ELOVL6: variants seen among roughly 807,000 people sequenced by gnomAD.
ELOVL6 encodes the protein ELOVL fatty acid elongase 6.
A neutral mutation model predicts 31.7 loss-of-function variants in ELOVL6; 8 were observed. The ratio of observed to expected loss-of-function variants is 0.25; its 90% confidence interval spans 0.15 to 0.45. The LOEUF (loss-of-function observed/expected upper bound fraction) is 0.45. Among genes scored for constraint, ELOVL6 ranks in the 20% least tolerant of loss-of-function variants. The pLI, the probability that ELOVL6 is intolerant of heterozygous loss-of-function variation, is 1.00. For missense variants in ELOVL6, 126 were observed against 326.4 expected, an observed-to-expected ratio of 0.39 and a Z score of 4.73; for synonymous variants, 101 against 117.7, an observed-to-expected ratio of 0.86 and a Z score of 0.92.
chr4:110,145,127 A>G (rs1297507612), intron 1 of ELOVL6, among the ~76,000 whole-genome samples: 1 of 151,834 alleles, frequency 6.6e-6, no homozygotes, highest in African/African-American at 2.4e-5. Context: ...GACAAGGCAA[A>G]CAGAAGTATA....
intron 2 of ELOVL6, among the ~76,000 whole-genome samples, chr4:110,084,588 A>T (rs796744822): frequency 0.061 from 1,780 of 29,374 alleles, 82 homozygotes; most frequent in Non-Finnish European, 0.073. Flanking sequence ...ATATATATAT[A>T]TTTTTTTTTT....
At chr4:110,187,797 A>G (rs1196431692) in intron 1 of ELOVL6, among the ~76,000 whole-genome samples, 2 of 152,162 alleles carry the variant, frequency 1.3e-5, no homozygotes, top group Non-Finnish European at 2.9e-5. Flanking sequence ...TTAGGTACTG[A>G]ATGGTCTAAG....
chr4:110,123,423 A>G (rs1193456040), intron 1 of ELOVL6, among the ~76,000 whole-genome samples: 2 of 152,224 alleles, frequency 1.3e-5, no homozygotes, highest in South Asian at 2.1e-4. Flanking sequence ...CCGGGAATAC[A>G]TCAGTGAACC....
intron 1 of ELOVL6, among the ~76,000 whole-genome samples, chr4:110,131,245 G>C (rs1352561638): frequency 6.6e-6 from 1 of 152,166 alleles, no homozygotes; most frequent in Non-Finnish European, 1.5e-5. Flanking sequence ...CACCAGAAGG[G>C]CTAGAAGAGT....
intron 3 of ELOVL6, among the ~76,000 whole-genome samples, chr4:110,053,602 C>T (rs1480247364): frequency 1.3e-5 from 2 of 152,216 alleles, no homozygotes; most frequent in Non-Finnish European, 2.9e-5. Context: ...GTCAGGAGTT[C>T]GAGACCAGCC....
intron 1 of ELOVL6, among the ~76,000 whole-genome samples, chr4:110,127,237 T>C (rs952482446): frequency 2.6e-5 from 4 of 151,592 alleles, no homozygotes; most frequent in Non-Finnish European, 4.4e-5. Flanking sequence ...TGAAACCCTG[T>C]CTCTACTAAA....
At chr4:110,116,615 A>T (rs542413745) in intron 1 of ELOVL6, among the ~76,000 whole-genome samples, 1 of 152,360 alleles carries the variant, frequency 6.6e-6, no homozygotes, top group Admixed American at 6.5e-5. Flanking sequence ...GACTGTCCAC[A>T]GTCCTAAATT....
At chr4:110,112,360 C>T (rs907720806) in intron 1 of ELOVL6, among the ~76,000 whole-genome samples, 5 of 152,154 alleles carry the variant, frequency 3.3e-5, no homozygotes, top group Non-Finnish European at 5.9e-5. Context: ...GATAGCAAAC[C>T]GCTAGGCTAA....
intron 1 of ELOVL6, among the ~76,000 whole-genome samples, chr4:110,146,856 G>A (rs1030945190): frequency 1.3e-5 from 2 of 152,150 alleles, no homozygotes; most frequent in Non-Finnish European, 2.9e-5. Context: ...TGGGCATCCT[G>A]GTGGGCACCT....
At chr4:110,161,667 C>T (rs1227469646) in intron 1 of ELOVL6, among the ~76,000 whole-genome samples, 1 of 152,186 alleles carries the variant, frequency 6.6e-6, no homozygotes, top group Non-Finnish European at 1.5e-5. Context: ...AACGAGAAGG[C>T]TTCAACAGGT....
At position 110,098,969 on chromosome 4, in the gene ELOVL6, T is replaced by C. The variant is rs76297235; in HGVS notation, c.221+6528A>G. Reference sequence around the variant, plus strand: ...CATAGGAAAAAAACTAAGACACTTATGACGGTCTTATGTACAAACTGATTT... The same window carrying C: ...CATAGGAAAAAAACTAAGACACTTACGACGGTCTTATGTACAAACTGATTT... On this transcript the variant is annotated intron_variant, in intron 2 of 3. Coordinates refer to ENST00000302274, the MANE Select transcript of ELOVL6 (RefSeq NM_024090.3). Among the ~76,000 whole-genome samples, 378 of 152,284 alleles carry C rather than the reference T, an allele frequency of 2.5e-3. 5 individuals carry two copies. In the East Asian group the frequency reaches 0.037, roughly 15 times the overall value.
chr4:110,070,180 C>T (rs1218587298), intron 2 of ELOVL6, among the ~76,000 whole-genome samples: 1 of 152,162 alleles, frequency 6.6e-6, no homozygotes, highest in Non-Finnish European at 1.5e-5. Context: ...TCAGCCATGC[C>T]AAATGAATAC....
At position 110,106,504 on chromosome 4, in the gene ELOVL6, CTG is replaced by C. The variant is rs1578484811; in HGVS notation, c.90-878_90-877del. Among the ~76,000 whole-genome samples, 3 of 152,176 alleles carry C rather than the reference CTG, an allele frequency of 2.0e-5. No homozygotes were observed. The East Asian group carries it at 5.8e-4, about 29-fold the overall frequency. ...ACTGAGGGTTCCTTCCCTTTTTAGACTGTATACTGTACCATGGCATTTGTGAA... is the reference window on the plus strand; with the variant it reads ...ACTGAGGGTTCCTTCCCTTTTTAGACTATACTGTACCATGGCATTTGTGAA... On this transcript the variant is annotated intron_variant, in intron 1 of 3. Transcript: ENST00000302274.
chr4:110,077,624 C>T (rs970802587), intron 2 of ELOVL6, among the ~76,000 whole-genome samples: 11 of 152,134 alleles, frequency 7.2e-5, no homozygotes, highest in African/African-American at 2.7e-4. Flanking sequence ...GTAGATAAAA[C>T]CACAAAGACG....
At position 110,049,074 on chromosome 4, in the gene ELOVL6, A is replaced by T. The variant is rs1245774598; in HGVS notation, c.*2264T>A. On this transcript the variant is annotated 3_prime_UTR_variant, in exon 4 of 4. Transcript: ENST00000302274. ...ATTTTAATTATTCTCATTTTCTGTT[A>T]TAAGGAAAAAAGGCTTATTGCACGG... 1.3e-5 allele frequency: 2 copies of T among 152,240 alleles called. No homozygotes were observed. Among genetic ancestry groups the T allele is most frequent in the African/African-American group, 2.4e-5 (1 of 41,468 alleles). The allele number at this position is 152,240 out of a possible 1,614,324, so 9.4% of individuals were successfully genotyped here. A position where few individuals can be genotyped will look rare whatever the true frequency, so the allele number is the denominator to read the frequency against.
chr4:110,113,664 C>G (rs1757098794), intron 1 of ELOVL6, among the ~76,000 whole-genome samples: 1 of 152,130 alleles, frequency 6.6e-6, no homozygotes, highest in Non-Finnish European at 1.5e-5. Flanking sequence ...AAAATGATCT[C>G]TATGATGAAA....
At chr4:110,141,024 T>A (rs988946320) in intron 1 of ELOVL6, among the ~76,000 whole-genome samples, 1 of 152,114 alleles carries the variant, frequency 6.6e-6, no homozygotes, top group Non-Finnish European at 1.5e-5. Context: ...GGGGCTAAAC[T>A]ATCTCTGTGG....
intron 2 of ELOVL6, among the ~76,000 whole-genome samples, chr4:110,060,942 G>A (rs1195917797): frequency 3.9e-5 from 6 of 152,270 alleles, no homozygotes; most frequent in South Asian, 4.2e-4. Context: ...CAGAAAGCAC[G>A]CATCTGCCAA....
chr4:110,140,097 C>T, intron 1 of ELOVL6, among the ~76,000 whole-genome samples: 1 of 152,210 alleles, frequency 6.6e-6, no homozygotes, highest in East Asian at 1.9e-4. Flanking sequence ...CTTTACAGTC[C>T]TTTACTGCCC....
Sources: gnomAD v4.1 joint callset for allele counts (sites outside exome capture counted in the v4.1 genomes callset) on GRCh38, gnomAD v4.1.1 for gene constraint, MANE v1.5 for transcripts, NCBI Gene and HGNC (gene_info 2026-07-23, HGNC 2026-07-21) for gene names.